EXOC6B: variants seen among roughly 807,000 people sequenced by gnomAD.
EXOC6B encodes exocyst complex component 6B.
Under a neutral mutation model 113.5 loss-of-function variants are expected in EXOC6B, and 54 were observed. The ratio of observed to expected loss-of-function variants is 0.48; its 90% confidence interval spans 0.38 to 0.60. The LOEUF (loss-of-function observed/expected upper bound fraction) is 0.60. Among genes scored for constraint, EXOC6B ranks in the 20% least tolerant of loss-of-function variants. The pLI, the probability that EXOC6B is intolerant of heterozygous loss-of-function variation, is 0.00. For synonymous variants in EXOC6B, 357 were observed against 339.0 expected (o/e 1.05, Z -0.58); for missense variants, 797 against 977.5 (o/e 0.82, Z 2.46).
chr2:72,764,143 A>G (rs1444748371), intron 1 of EXOC6B, among the ~76,000 whole-genome samples: 4 of 152,042 alleles, frequency 2.6e-5, no homozygotes, highest in African/African-American at 9.7e-5. Flanking sequence ...CATTTTAGAT[A>G]TTGTCTATTT....
chr2:72,601,904 G>A (rs1478828729), intron 6 of EXOC6B, among the ~76,000 whole-genome samples: 1 of 152,210 alleles, frequency 6.6e-6, no homozygotes, highest in African/African-American at 2.4e-5. Flanking sequence ...CTAAGTGAAA[G>A]GAGCCAGTTT....
At chr2:72,739,290 T>C (rs1398313873) in intron 2 of EXOC6B, among the ~76,000 whole-genome samples, 1 of 152,150 alleles carries the variant, frequency 6.6e-6, no homozygotes, top group Non-Finnish European at 1.5e-5. Context: ...GACACCTTAT[T>C]GTTTAAATTT....
intron 6 of EXOC6B, among the ~76,000 whole-genome samples, chr2:72,621,339 A>G (rs1671732394): frequency 6.6e-6 from 1 of 152,180 alleles, no homozygotes; most frequent in Admixed American, 6.5e-5. Flanking sequence ...AAAGAATGAA[A>G]TTACTACCTT....
chr2:72,497,283 G>GT (rs1700088275), intron 13 of EXOC6B, among the ~76,000 whole-genome samples: 1 of 151,950 alleles, frequency 6.6e-6, no homozygotes. Context: ...CATTGATAAG[G>GT]TTTTTAAAAT....
chr2:72,257,206 G>A (rs1384133809), intron 20 of EXOC6B, among the ~76,000 whole-genome samples: 10 of 152,096 alleles, frequency 6.6e-5, no homozygotes, highest in Admixed American at 5.9e-4. Context: ...TGCCACATCT[G>A]AGAATAATAT....
At chr2:72,504,513 C>T (rs937010116) in intron 11 of EXOC6B, among the ~76,000 whole-genome samples, 3 of 152,002 alleles carry the variant, frequency 2.0e-5, no homozygotes, top group Admixed American at 2.0e-4. Context: ...CTCTAGTATC[C>T]AATGTTTGAG....
chr2:72,726,283 T>C (rs1003726557), intron 5 of EXOC6B, among the ~76,000 whole-genome samples: 2 of 152,164 alleles, frequency 1.3e-5, no homozygotes, highest in African/African-American at 4.8e-5. Context: ...AATCAGCTAG[T>C]GATGATGATG....
intron 20 of EXOC6B, among the ~76,000 whole-genome samples, chr2:72,281,391 A>G (rs1685121633): frequency 1.3e-5 from 2 of 152,256 alleles, no homozygotes; most frequent in Admixed American, 1.3e-4. Context: ...ACAGTACTAC[A>G]GGTGAGTGAA....
chr2:72,778,348 G>A (rs1285385025), intron 1 of EXOC6B, among the ~76,000 whole-genome samples: 1 of 152,114 alleles, frequency 6.6e-6, no homozygotes, highest in Admixed American at 6.5e-5. Context: ...AACCAAAGGA[G>A]AGCTAAAACT....
At chr2:72,655,901 T>C (rs1436363014) in intron 6 of EXOC6B, among the ~76,000 whole-genome samples, 1 of 152,040 alleles carries the variant, frequency 6.6e-6, no homozygotes, top group Non-Finnish European at 1.5e-5. Flanking sequence ...CTAAAGAAGA[T>C]CAGAATAAAT....
intron 6 of EXOC6B, among the ~76,000 whole-genome samples, chr2:72,582,326 A>C (rs776944829): frequency 4.2e-4 from 64 of 152,070 alleles, no homozygotes; most frequent in Non-Finnish European, 7.5e-4. Context: ...AGCCTGGGCA[A>C]CATGGAGAAA....
At position 72,496,673 on chromosome 2, in the gene EXOC6B, T is replaced by A. The variant is rs558809149; in HGVS notation, c.1338-114A>T. 67 of 690,168 alleles carry A rather than the reference T, an allele frequency of 9.7e-5. No homozygotes were observed. In the African/African-American group the frequency reaches 1.0e-3, roughly 10 times the overall value. 42.8% of individuals were successfully genotyped at this position (690,168 alleles called of 1,614,324 possible). The stretch of plus-strand genomic sequence containing the variant: ...CAAATATTTTTCTGATGAACTCCAA[T>A]CTTAATATATATGCCACAACCCAAA... On this transcript the variant is annotated intron_variant, in intron 13 of 21. Coordinates refer to ENST00000272427, the MANE Select transcript of EXOC6B (RefSeq NM_015189.3).
chr2:72,259,976 C>T (rs1683611355), intron 20 of EXOC6B, among the ~76,000 whole-genome samples: 1 of 152,114 alleles, frequency 6.6e-6, no homozygotes, highest in Non-Finnish European at 1.5e-5. Context: ...GACTTGAGCC[C>T]AGAAGGTCAA....
At chr2:72,627,172 A>T (rs1672103825) in intron 6 of EXOC6B, among the ~76,000 whole-genome samples, 1 of 152,148 alleles carries the variant, frequency 6.6e-6, no homozygotes, top group African/African-American at 2.4e-5. Context: ...CAAAATGAAA[A>T]ATCAGTGTCT....
chr2:72,493,526 G>C (rs2105552312), intron 15 of EXOC6B, among the ~76,000 whole-genome samples: 1 of 151,244 alleles, frequency 6.6e-6, no homozygotes, highest in African/African-American at 2.4e-5. Flanking sequence ...CATTTACATT[G>C]TCCCTCTTTG....
intron 19 of EXOC6B, among the ~76,000 whole-genome samples, chr2:72,367,563 G>C (rs1320258570): frequency 6.6e-6 from 1 of 152,050 alleles, no homozygotes; most frequent in African/African-American, 2.4e-5. Context: ...AAAACCACTG[G>C]CACAAGAACC....
intron 19 of EXOC6B, among the ~76,000 whole-genome samples, chr2:72,344,309 T>G (rs948859993): frequency 6.6e-6 from 1 of 152,166 alleles, no homozygotes. Context: ...TTATTGCTAT[T>G]TCTATTTTGC....
chr2:72,821,603 T>C (rs1347159152), intron 1 of EXOC6B, among the ~76,000 whole-genome samples: 2 of 152,130 alleles, frequency 1.3e-5, no homozygotes, highest in East Asian at 3.8e-4. Context: ...TAAAATGTGG[T>C]ATATCCACAC....
intron 6 of EXOC6B, among the ~76,000 whole-genome samples, chr2:72,605,939 A>C (rs958262428): frequency 3.3e-5 from 5 of 152,182 alleles, no homozygotes; most frequent in Non-Finnish European, 5.9e-5. Flanking sequence ...ATATGTGAAT[A>C]ACTCAGTACC....
Sources: allele counts gnomAD v4.1 joint callset (sites outside exome capture counted in the v4.1 genomes callset), GRCh38; gene constraint gnomAD v4.1.1; transcripts MANE v1.5; gene names NCBI Gene and HGNC (gene_info 2026-07-23, HGNC 2026-07-21).